Variants in DNAAF4 observed in about 807,000 individuals in gnomAD.
DNAAF4 encodes dynein axonemal assembly factor 4.
A neutral mutation model predicts 51.8 loss-of-function variants in DNAAF4; 43 were observed. The observed-to-expected ratio is 0.83, with a 90% confidence interval of 0.65 to 1.07. The LOEUF is 1.07. DNAAF4 is among the 50% of genes least tolerant of loss of function. DNAAF4 has a pLI of 0.00. For missense variants in DNAAF4, 581 were observed against 493.0 expected, an observed-to-expected ratio of 1.18 and a Z score of -1.69; for synonymous variants, 194 against 165.6, an observed-to-expected ratio of 1.17 and a Z score of -1.32.
At chr15:55,420,599 C>G (rs963808228) in intron 7 of DNAAF4, among the ~76,000 whole-genome samples, 4 of 152,126 alleles carry the variant, frequency 2.6e-5, no homozygotes, top group African/African-American at 9.7e-5. Flanking sequence ...CCAAATACCC[C>G]CCCAAAACTG....
chr15:55,456,713 G>A (rs184940157), intron 5 of DNAAF4, among the ~76,000 whole-genome samples: 1 of 152,328 alleles, frequency 6.6e-6, no homozygotes, highest in Admixed American at 6.5e-5. Context: ...GGAAGAAAAG[G>A]TCAGTCTCTG....
intron 4 of DNAAF4, among the ~76,000 whole-genome samples, chr15:55,473,335 G>C (rs188341391): frequency 1.6e-5 from 2 of 122,794 alleles, no homozygotes; most frequent in East Asian, 4.1e-4. Context: ...ATATATATGT[G>C]TGTATATATA....
chr15:55,449,696 C>CTTTTTT (rs368060926), intron 6 of DNAAF4, among the ~76,000 whole-genome samples: 17 of 91,728 alleles, frequency 1.9e-4, no homozygotes, highest in South Asian at 4.7e-4. Context: ...AAAAAGACCG[C>CTTTTTT]TTTTTTTTTT....
chr15:55,419,998 T>G lies in DNAAF4; in HGVS notation c.1048-1865A>C, dbSNP rs1036692153. Among the ~76,000 whole-genome samples, 6 of 151,862 alleles carry G rather than the reference T, an allele frequency of 4.0e-5. No homozygotes were observed. The East Asian group carries it at 1.2e-3, about 29-fold the overall frequency. On this transcript the variant is annotated intron_variant, in intron 7 of 7. Transcript: ENST00000448430. ...AACCTGGGCAACAAGAGCAAAACTC[T>G]GTCTCAAAAAAAAAGAATAAAAAAA... is the stretch of plus-strand genomic sequence containing the variant.
At position 55,446,076 on chromosome 15, in the gene DNAAF4, C is replaced by T. The variant is rs183626410; in HGVS notation, c.783+4146G>A. Reference sequence around the variant, plus strand: ...ACTCCCCGCTTCCCAGATGGGGTGGCGGCCGGGCAGAGGCGCTCCTCACAT... The same window carrying T: ...ACTCCCCGCTTCCCAGATGGGGTGGTGGCCGGGCAGAGGCGCTCCTCACAT... On this transcript the variant is annotated intron_variant, in intron 6 of 9. Transcript: ENST00000321149. Among the ~76,000 whole-genome samples the T allele has an allele frequency of 7.7e-3, 1,025 of 132,980 alleles. 8 individuals are homozygous for T. The highest frequency in any genetic ancestry group is 0.012 in the Non-Finnish European group (724 of 62,784). 87.2% of individuals were successfully genotyped at this position (132,980 alleles called of 152,430 possible).
intron 2 of DNAAF4, 89 bp from the exon 3 acceptor site, chr15:55,497,948 T>G: frequency 1.3e-6 from 2 of 1,501,332 alleles, no homozygotes; most frequent in Non-Finnish European, 1.8e-6. Flanking sequence ...AAAATAACTT[T>G]CTAAAAGGCC....
intron 6 of DNAAF4, among the ~76,000 whole-genome samples, chr15:55,445,056 T>C (rs2057776114): frequency 7.4e-6 from 1 of 135,984 alleles, no homozygotes. Context: ...TTTTTTTTAG[T>C]ATTTATTGAT....
rs780630130 is a variant in DNAAF4, at chr15:55,491,152, G to T, written c.376C>A (p.Gln126Lys). Residue 126 changes from glutamine to lysine, a missense_variant, in exon 4 of 10, where the codon CAA (glutamine) becomes AAA (lysine). By Grantham distance (53) the Gln-to-Lys change is moderately conservative (BLOSUM62 1). Coordinates refer to ENST00000321149, the MANE Select transcript of DNAAF4 (RefSeq NM_130810.4). ...ATCATGACACTTAGTGCGTATTTTT[G>T]ATCTTCCCGCTTTGCTGCAGCTTTT... ...EAKAAAKRED[Q>K]KYALSVMMKI... 1.9e-6 allele frequency: 3 copies of T among 1,613,924 alleles called. No homozygotes were observed. The highest frequency in any genetic ancestry group is 1.7e-5 in the Admixed American group (1 of 59,994).
intron 8 of DNAAF4, among the ~76,000 whole-genome samples, chr15:55,433,517 T>A (rs1432107310): frequency 6.7e-6 from 1 of 149,294 alleles, no homozygotes; most frequent in African/African-American, 2.5e-5. Flanking sequence ...TCCCAGCTAC[T>A]CCGGACGCTG....
At chr15:55,437,206 T>C (rs577348862) in intron 7 of DNAAF4, among the ~76,000 whole-genome samples, 2 of 152,322 alleles carry the variant, frequency 1.3e-5, no homozygotes, top group African/African-American at 4.8e-5. Context: ...TTTCTGTTGT[T>C]AAGTGCCTAT....
intron 6 of DNAAF4, among the ~76,000 whole-genome samples, chr15:55,449,696 CTTTTT>C (rs368060926): frequency 0.012 from 1,106 of 91,766 alleles, 23 homozygotes; most frequent in African/African-American, 0.045. Context: ...AAAAAGACCG[CTTTTT>C]TTTTTTTTTT....
At chr15:55,418,564 T>G (rs1194082862) in intron 7 of DNAAF4, 2 of 1,440,098 alleles carry the variant, frequency 1.4e-6, no homozygotes, top group Non-Finnish European at 1.9e-6. Context: ...TTCAACACAC[T>G]CTATGAAAAT....
chr15:55,423,184 G>C (rs1195881470), intron 7 of DNAAF4, among the ~76,000 whole-genome samples: 6 of 118,760 alleles, frequency 5.1e-5, no homozygotes, highest in African/African-American at 5.8e-5. Context: ...TTTTTTTTAA[G>C]ATATGATATA....
At chr15:55,433,943 A>G (rs1303885179) in intron 8 of DNAAF4, among the ~76,000 whole-genome samples, 2 of 10,432 alleles carry the variant, frequency 1.9e-4, no homozygotes, top group Non-Finnish European at 1.4e-4. Flanking sequence ...TAAAATATAT[A>G]TAATATATAT....
rs1484510394 is a variant in DNAAF4 at position 55,498,545 on chromosome 15, A to G, written c.-216T>C. The G allele has an allele frequency of 8.0e-5, 34 of 426,188 alleles. No individual in the cohort carries two copies. The highest frequency in any genetic ancestry group is 1.2e-4 in the Non-Finnish European group (30 of 245,018). The allele number at this position is 426,188 out of a possible 1,614,324, so 26.4% of individuals were successfully genotyped here. A position where few individuals can be genotyped will look rare whatever the true frequency, so the allele number is the denominator to read the frequency against. ...TGATGCCGATTCTTGGGGTTACCTTACGATCTGAGCGAATGTTCAAAGAAG... is the reference window on the plus strand; with the variant it reads ...TGATGCCGATTCTTGGGGTTACCTTGCGATCTGAGCGAATGTTCAAAGAAG... On this transcript the variant is annotated 5_prime_UTR_variant, in exon 2 of 10. Coordinates refer to ENST00000321149, the MANE Select transcript of DNAAF4 (RefSeq NM_130810.4).
At chr15:55,482,227 A>G (rs2058421282) in intron 4 of DNAAF4, among the ~76,000 whole-genome samples, 1 of 140,958 alleles carries the variant, frequency 7.1e-6, no homozygotes, top group South Asian at 2.4e-4. Context: ...GTGTTGGCAA[A>G]GATGTAAAAA....
At chr15:55,456,867 C>T (rs189788173) in intron 5 of DNAAF4, among the ~76,000 whole-genome samples, 5 of 152,310 alleles carry the variant, frequency 3.3e-5, no homozygotes, top group Non-Finnish European at 7.4e-5. Context: ...GTACTTCCAT[C>T]CCCAGCTGGA....
chr15:55,501,376 CTTT>C (rs1192104530), intron 1 of DNAAF4, among the ~76,000 whole-genome samples: 6 of 104,488 alleles, frequency 5.7e-5, no homozygotes, highest in Admixed American at 2.2e-4. Context: ...TTCTTTCTTT[CTTT>C]TTTTTTTTTT....
downstream of DNAAF4, chr15:55,430,255 A>T (rs1395130137): frequency 2.1e-6 from 1 of 466,120 alleles, no homozygotes; most frequent in Non-Finnish European, 2.8e-6. Flanking sequence ...AATATTTATT[A>T]TACCAAAGTC....
Sources: gnomAD v4.1 joint callset for allele counts (sites outside exome capture counted in the v4.1 genomes callset) on GRCh38, gnomAD v4.1.1 for gene constraint, MANE v1.5 for transcripts, NCBI Gene and HGNC (gene_info 2026-07-23, HGNC 2026-07-21) for gene names.